Variants in LRRC4C observed in about 807,000 individuals in gnomAD.
LRRC4C encodes leucine-rich repeat-containing protein 4C.
Under a neutral mutation model 33.6 loss-of-function variants are expected in LRRC4C, and 5 were observed. The ratio of observed to expected loss-of-function variants is 0.15; its 90% CI spans 0.08 to 0.31. The LOEUF is 0.31. Ranked by LOEUF, LRRC4C falls within the 10% of genes least tolerant of loss-of-function variation. LRRC4C has a pLI of 1.00. For missense variants in LRRC4C, 560 were observed against 796.7 expected, an observed-to-expected ratio of 0.70 and a Z score of 3.58; for synonymous variants, 329 against 302.0, an observed-to-expected ratio of 1.09 and a Z score of -0.93.
intron 5 of LRRC4C, among the ~76,000 whole-genome samples, chr11:40,182,611 GA>G (rs1189344684): frequency 2.0e-5 from 3 of 152,066 alleles, no homozygotes; most frequent in Non-Finnish European, 2.9e-5. Context: ...AATATTTAAA[GA>G]AAAAAGATAC....
chr11:40,333,892 AAG>A (rs1016958379), intron 3 of LRRC4C, among the ~76,000 whole-genome samples: 16 of 151,846 alleles, frequency 1.1e-4, no homozygotes, highest in Non-Finnish European at 2.4e-4. Context: ...TGTTGTGTGG[AAG>A]AGAGAGAGTG....
chr11:41,247,489 A>G (rs908165443), intron 1 of LRRC4C, among the ~76,000 whole-genome samples: 17 of 152,346 alleles, frequency 1.1e-4, no homozygotes, highest in Middle Eastern at 6.8e-3. Context: ...AATTCCAATA[A>G]GCAATGATGT....
At chr11:40,486,861 T>C (rs1168864523) in intron 3 of LRRC4C, among the ~76,000 whole-genome samples, 5 of 151,834 alleles carry the variant, frequency 3.3e-5, no homozygotes, top group African/African-American at 1.2e-4. Context: ...AGAAGTGAAA[T>C]CTTGTTTGGA....
chr11:40,986,308 T>C (rs905419935), intron 1 of LRRC4C, among the ~76,000 whole-genome samples: 2 of 152,068 alleles, frequency 1.3e-5, no homozygotes, highest in Admixed American at 6.5e-5. Flanking sequence ...ACAGAAAGGA[T>C]TGGGGCTGGG....
At chr11:40,631,652 G>A (rs1258028020) in intron 3 of LRRC4C, among the ~76,000 whole-genome samples, 1 of 151,986 alleles carries the variant, frequency 6.6e-6, no homozygotes, top group Non-Finnish European at 1.5e-5. Context: ...TGAGTATTAT[G>A]TTAAGCTATA....
chr11:40,818,281 T>C (rs1190387776), intron 2 of LRRC4C, among the ~76,000 whole-genome samples: 31 of 152,128 alleles, frequency 2.0e-4, no homozygotes, highest in Admixed American at 2.0e-3. Context: ...AATTGTCTAC[T>C]TAGTGTTTTA....
chr11:40,132,472 A>G (rs1026765490), intron 6 of LRRC4C, among the ~76,000 whole-genome samples: 2 of 152,180 alleles, frequency 1.3e-5, no homozygotes, highest in Non-Finnish European at 1.5e-5. Context: ...ATGATAAAAT[A>G]AGGTCCTGTG....
At chr11:41,215,822 T>G (rs1245791169) in intron 1 of LRRC4C, among the ~76,000 whole-genome samples, 2 of 152,354 alleles carry the variant, frequency 1.3e-5, no homozygotes, top group East Asian at 3.9e-4. Context: ...TAAACATTTA[T>G]GTATAAGTTT....
chr11:40,404,217 C>T (rs1274232047), intron 3 of LRRC4C, among the ~76,000 whole-genome samples: 1 of 152,098 alleles, frequency 6.6e-6, no homozygotes, highest in African/African-American at 2.4e-5. Flanking sequence ...ATGTTTACAG[C>T]CAGTCACTCC....
At chr11:40,423,716 C>G (rs187159878) in intron 3 of LRRC4C, among the ~76,000 whole-genome samples, 12 of 152,264 alleles carry the variant, frequency 7.9e-5, no homozygotes, top group Non-Finnish European at 1.5e-4. Flanking sequence ...TCCCTTTTGT[C>G]TTGCTTGTTT....
At chr11:40,873,047 T>C (rs1300089615) in intron 2 of LRRC4C, among the ~76,000 whole-genome samples, 1 of 152,216 alleles carries the variant, frequency 6.6e-6, no homozygotes, top group East Asian at 1.9e-4. Context: ...AGAGACTAGA[T>C]AGTATTGAGA....
intron 1 of LRRC4C, among the ~76,000 whole-genome samples, chr11:41,330,247 A>G (rs895385777): frequency 1.3e-5 from 2 of 152,130 alleles, no homozygotes; most frequent in African/African-American, 4.8e-5. Flanking sequence ...ATTGAAATAC[A>G]TATCTTTTTT....
intron 1 of LRRC4C, among the ~76,000 whole-genome samples, chr11:41,160,898 C>A (rs1000244699): frequency 2.6e-5 from 4 of 152,006 alleles, no homozygotes; most frequent in Admixed American, 6.6e-5. Context: ...GTTTTGTTTT[C>A]TTTTTCAGAA....
chr11:40,362,215 T>C (rs994014039), intron 3 of LRRC4C, among the ~76,000 whole-genome samples: 5 of 152,032 alleles, frequency 3.3e-5, no homozygotes, highest in Non-Finnish European at 1.5e-5. Context: ...AAAGATTTCA[T>C]GAGGAAGATG....
At chr11:40,478,152 A>G (rs1953343230) in intron 3 of LRRC4C, among the ~76,000 whole-genome samples, 1 of 152,142 alleles carries the variant, frequency 6.6e-6, no homozygotes, top group South Asian at 2.1e-4. Context: ...TAATGTCTTT[A>G]TCAGCAGCAT....
chr11:41,163,680 T>C (rs1944585750), intron 1 of LRRC4C, among the ~76,000 whole-genome samples: 1 of 151,960 alleles, frequency 6.6e-6, no homozygotes, highest in African/African-American at 2.4e-5. Flanking sequence ...AGCCTGTTCT[T>C]GGCTCACTGC....
At chr11:40,886,178 G>C (rs1955443748) in intron 2 of LRRC4C, among the ~76,000 whole-genome samples, 1 of 151,862 alleles carries the variant, frequency 6.6e-6, no homozygotes, top group African/African-American at 2.4e-5. Context: ...GTTATTAAAT[G>C]AGTCAAATAT....
At chr11:40,175,634 C>T (rs1000500840) in intron 5 of LRRC4C, among the ~76,000 whole-genome samples, 1 of 152,164 alleles carries the variant, frequency 6.6e-6, no homozygotes, top group African/African-American at 2.4e-5. Flanking sequence ...TAGCTTCAGA[C>T]ACACTATATG....
chr11:40,356,075 T>C (rs1457592511), intron 3 of LRRC4C, among the ~76,000 whole-genome samples: 1 of 152,088 alleles, frequency 6.6e-6, no homozygotes, highest in Non-Finnish European at 1.5e-5. Flanking sequence ...CTGTGATTTA[T>C]GGGCACATTT....
Sources: allele counts gnomAD v4.1 joint callset (sites outside exome capture counted in the v4.1 genomes callset), GRCh38; gene constraint gnomAD v4.1.1; transcripts MANE v1.5; gene names NCBI Gene and HGNC (gene_info 2026-07-23, HGNC 2026-07-21).